Variants in ZKSCAN5 observed in about 807,000 individuals in gnomAD.
The protein encoded by ZKSCAN5 is zinc finger protein with KRAB and SCAN domains 5.
ZKSCAN5 carries 28 observed loss-of-function variants against 60.0 expected under a neutral mutation model. The ratio of observed to expected loss-of-function variants is 0.47; its 90% confidence interval spans 0.35 to 0.64. The LOEUF is 0.64. Ranked by LOEUF, ZKSCAN5 falls within the 30% of genes least tolerant of loss-of-function variation. The pLI is 0.01. For missense variants in ZKSCAN5, 881 were observed against 1,034.6 expected (o/e 0.85, Z 2.04); for synonymous variants, 361 against 371.2 (o/e 0.97, Z 0.31).
At chr7:99,515,820 CA>C (rs765137027) in intron 3 of ZKSCAN5, among the ~76,000 whole-genome samples, 28 of 139,194 alleles carry the variant, frequency 2.0e-4, no homozygotes, top group Admixed American at 6.7e-4. Context: ...GGCGACAAAG[CA>C]AGACTCCATC....
rs1801454354 is a variant in ZKSCAN5 at position 99,519,997 on chromosome 7, C to T, written c.636+88C>T. ...TTCTTTAGCCAGTGACTAGGCCCATCTTGGGTTGGTACCTTCATTCCTTTG... is the reference window on the plus strand; with the variant it reads ...TTCTTTAGCCAGTGACTAGGCCCATTTTGGGTTGGTACCTTCATTCCTTTG... On this transcript the variant is annotated intron_variant, in intron 4 of 6. Coordinates refer to ENST00000326775, the MANE Select transcript of ZKSCAN5 (RefSeq NM_145102.4). 2.6e-6 allele frequency: 4 copies of T among 1,540,882 alleles called. No homozygotes were observed. The South Asian group carries it at 4.5e-5, about 17-fold the overall frequency.
intron 3 of ZKSCAN5, among the ~76,000 whole-genome samples, chr7:99,516,336 C>T (rs1214683996): frequency 1.3e-5 from 2 of 152,176 alleles, no homozygotes; most frequent in African/African-American, 4.8e-5. Flanking sequence ...ACTCTTCATT[C>T]GGACATAGAC....
intron 5 of ZKSCAN5, among the ~76,000 whole-genome samples, chr7:99,520,825 C>A (rs913775317): frequency 1.3e-5 from 2 of 152,124 alleles, no homozygotes; most frequent in Non-Finnish European, 2.9e-5. Context: ...CATGGTGAAA[C>A]CCCATCACTA....
At chr7:99,520,079 CCT>C (rs1260701965) in intron 4 of ZKSCAN5, 88 bp from the exon 5 acceptor site, 26 of 1,550,160 alleles carry the variant, frequency 1.7e-5, no homozygotes, top group Admixed American at 1.3e-4. Context: ...AGTTCCTCCC[CCT>C]GTTTCTTTTC....
chr7:99,526,208 A>C lies in ZKSCAN5; in HGVS notation c.1168A>C (p.Thr390Pro), dbSNP rs766084750. The C allele has an allele frequency of 6.2e-7, 1 of 1,614,176 alleles. No homozygotes were observed. Among genetic ancestry groups the C allele is most frequent in the East Asian group, 2.2e-5 (1 of 44,884 alleles). The change falls in exon 6 of 7, where the codon ACC becomes CCC. Residue 390 changes from threonine to proline, a missense_variant. By Grantham distance (38) the Thr-to-Pro change is conservative. Coordinates refer to ENST00000326775, the MANE Select transcript of ZKSCAN5 (RefSeq NM_145102.4). ...GAGCTACAATCAGCGGGTGCACCTC[A>C]CCCAGCACCAGCGCGTCCACACAGG... The part of the protein sequence containing the change: ...GKSYNQRVHL[T>P]QHQRVHTGEK...
At chr7:99,516,629 G>A (rs866367042) in intron 3 of ZKSCAN5, among the ~76,000 whole-genome samples, 1 of 152,096 alleles carries the variant, frequency 6.6e-6, no homozygotes, top group African/African-American at 2.4e-5. Flanking sequence ...CAGACATGCT[G>A]TGGACCTTAG....
rs553580261 is a variant in ZKSCAN5 at position 99,506,477 on chromosome 7, A to G, written c.414+19A>G. 7.5e-6 allele frequency: 12 copies of G among 1,591,500 alleles called. No individual in the cohort carries two copies. Among genetic ancestry groups the G allele is most frequent in the African/African-American group, 5.4e-5 (4 of 74,476 alleles). On this transcript the variant is annotated intron_variant, in intron 2 of 6. Transcript: ENST00000326775. ...ACAGCAGGTGAGTCAAAGAGAAGCT[A>G]TATGAGCAATGAAGGAGAGGAGTGA...
At chr7:99,513,913 T>G in intron 3 of ZKSCAN5, 1 of 157,700 alleles carries the variant, frequency 6.3e-6, no homozygotes, top group Non-Finnish European at 1.4e-5. Context: ...GGCATGGTGG[T>G]GCGTGCCTGT....
At position 99,531,748 on chromosome 7, in the gene ZKSCAN5, C is replaced by T. The variant is rs372286821; in HGVS notation, c.2019C>T (p.Tyr673=). 59 of 1,613,850 alleles carry T rather than the reference C, an allele frequency of 3.7e-5. No homozygotes were observed. In the Middle Eastern group the frequency reaches 4.9e-4, roughly 13 times the overall value. ...CRECGEIFFQ[Y]VSLIEHQVLH... ...AATGTGGGGAAATCTTTTTTCAGTA[C>T]GTTAGCCTAATTGAACATCAGGTGC... Residue 673 remains tyrosine (Y), a synonymous_variant, in exon 7 of 7, where the codon TAC becomes TAT. Coordinates refer to ENST00000326775, the MANE Select transcript of ZKSCAN5 (RefSeq NM_145102.4).
chr7:99,519,783 G>A (rs772453801), intron 3 of ZKSCAN5, 44 bp from the exon 4 acceptor site: 15 of 1,567,690 alleles, frequency 9.6e-6, no homozygotes, highest in African/African-American at 6.8e-5. Context: ...AATGAGAACC[G>A]GGCAAAGATG....
intron 2 of ZKSCAN5, among the ~76,000 whole-genome samples, chr7:99,510,645 TGTTGGTCAGGCTG>T (rs368256877): frequency 5.5e-4 from 83 of 152,096 alleles, no homozygotes; most frequent in African/African-American, 2.0e-3. Flanking sequence ...GGTTTATCCA[TGTTGGTCAGGCTG>T]GTCTCGAACT....
Position 99,533,398 on chromosome 7 carries a change from A to G in ZKSCAN5, c.*1149A>G, listed in dbSNP as rs1802140239. The G allele has an allele frequency of 1.8e-6, 1 of 544,128 alleles. No individual in the cohort carries two copies. The highest frequency in any genetic ancestry group is 3.3e-6 in the Non-Finnish European group (1 of 298,852). The allele number at this position is 544,128 out of a possible 1,614,324, so 33.7% of individuals were successfully genotyped here. ...GAGTGAGTGCTCTTGGGCACTGCTC[A>G]GGCCGTTTCTGCTGACTTGCCTGGC... is the stretch of plus-strand genomic sequence containing the variant. On this transcript the variant is annotated 3_prime_UTR_variant, in exon 7 of 7. Transcript: ENST00000326775.
chr7:99,519,705 C>A, intron 3 of ZKSCAN5, 122 bp from the exon 4 acceptor site: 1 of 817,026 alleles, frequency 1.2e-6, no homozygotes, highest in Non-Finnish European at 2.0e-6. Flanking sequence ...GACAGCCAGG[C>A]AGAAGAATTT....
At position 99,527,935 on chromosome 7, in the gene ZKSCAN5, C is replaced by T. The variant is rs531617176; in HGVS notation, c.1378+1517C>T. Among the ~76,000 whole-genome samples, 14 of 151,816 alleles carry T rather than the reference C, an allele frequency of 9.2e-5. No individual in the cohort carries two copies. In the South Asian group the frequency reaches 2.1e-3, roughly 23 times the overall value. On this transcript the variant is annotated intron_variant, in intron 6 of 6. Coordinates refer to ENST00000326775, the MANE Select transcript of ZKSCAN5 (RefSeq NM_145102.4). ...AACTCCTGACCTCAAGTGATCCACC[C>T]GCCTTGGCCTCCCAAAGTGCTGGGA...
At position 99,531,325 on chromosome 7, in the gene ZKSCAN5, C is replaced by T; in HGVS notation, c.1596C>T (p.Tyr532=). The change falls in exon 7 of 7, where the codon TAC becomes TAT. Residue 532 remains tyrosine (Y), a synonymous_variant. Transcript: ENST00000326775. ...AACCATCTTCAAAGAGGATGAACTA[C>T]AGTGAAGTCCCATATGTCCACAAAA... ...LGQPSSKRMN[Y]SEVPYVHKKS... 6.2e-7 allele frequency: 1 copy of T among 1,614,170 alleles called. No individual in the cohort carries two copies. Among genetic ancestry groups the T allele is most frequent in the Non-Finnish European group, 8.5e-7 (1 of 1,180,036 alleles).
intron 3 of ZKSCAN5, among the ~76,000 whole-genome samples, chr7:99,518,538 T>C (rs1024617032): frequency 6.6e-6 from 1 of 152,058 alleles, no homozygotes; most frequent in Admixed American, 6.6e-5. Context: ...CTAGGGGATG[T>C]AGGTGATTTA....
chr7:99,525,454 A>G (rs551094219), intron 5 of ZKSCAN5, among the ~76,000 whole-genome samples: 26 of 152,176 alleles, frequency 1.7e-4, no homozygotes, highest in Admixed American at 2.0e-4. Flanking sequence ...CCTGGGTGAC[A>G]GAGTGAGACC....
At position 99,527,421 on chromosome 7, in the gene ZKSCAN5, T is replaced by C. The variant is rs538715522; in HGVS notation, c.1378+1003T>C. Reference sequence around the variant, plus strand: ...ATAAAAAGAAAAAATAAATCACCCATAATCACATCACCCTAACTAATAGAA... The same window carrying C: ...ATAAAAAGAAAAAATAAATCACCCACAATCACATCACCCTAACTAATAGAA... On this transcript the variant is annotated intron_variant, in intron 6 of 6. Transcript: ENST00000326775. 8.6e-5 allele frequency among the ~76,000 whole-genome samples: 13 copies of C among 151,812 alleles called. No homozygotes were observed. The South Asian group carries it at 2.7e-3, about 32-fold the overall frequency.
rs528887871 is a variant in ZKSCAN5 at position 99,517,462 on chromosome 7, G to T, written c.554-2365G>T. 2.6e-4 allele frequency among the ~76,000 whole-genome samples: 40 copies of T among 152,080 alleles called. No homozygotes were observed. The South Asian group carries it at 8.3e-3, about 32-fold the overall frequency. Reference sequence around the variant, plus strand: ...TTAGGAGGCCGAACCAGGTGGATCAGTTGAGACCAGGAGTTCAAGACCAGC... The same window carrying T: ...TTAGGAGGCCGAACCAGGTGGATCATTTGAGACCAGGAGTTCAAGACCAGC... On this transcript the variant is annotated intron_variant, in intron 3 of 6. Transcript: ENST00000326775.
Sources: allele counts gnomAD v4.1 joint callset (sites outside exome capture counted in the v4.1 genomes callset), GRCh38; gene constraint gnomAD v4.1.1; transcripts MANE v1.5; gene names NCBI Gene and HGNC (gene_info 2026-07-23, HGNC 2026-07-21).